Variants in NEK6 observed in about 807,000 individuals in gnomAD.
The protein encoded by NEK6 is NIMA related kinase 6, also known as serine/threonine-protein kinase Nek6.
Under a neutral mutation model 43.5 loss-of-function variants are expected in NEK6, and 27 were observed. That is an observed-to-expected ratio of 0.62 (90% CI 0.46 to 0.86). NEK6 has a LOEUF of 0.86. Ranked by LOEUF, NEK6 falls within the 40% of genes least tolerant of loss-of-function variation. NEK6 has a pLI of 0.00. For synonymous variants in NEK6, 167 were observed against 164.1 expected (o/e 1.02, Z -0.14); for missense variants, 318 against 414.4 (o/e 0.77, Z 2.02).
chr9:124,317,213 G>A (rs1007769046), intron 4 of NEK6, among the ~76,000 whole-genome samples: 32 of 152,282 alleles, frequency 2.1e-4, no homozygotes, highest in African/African-American at 7.7e-4. Context: ...CGCGCAGGAC[G>A]TCCTTTTCAA....
Position 124,326,200 on chromosome 9 carries a change from A to T in NEK6, c.406-130A>T. 4.1e-6 allele frequency: 1 copy of T among 240,986 alleles called. No individual in the cohort carries two copies. Among genetic ancestry groups the T allele is most frequent in the Non-Finnish European group, 9.2e-6 (1 of 108,314 alleles). The allele number at this position is 240,986 out of a possible 1,614,324, so 14.9% of individuals were successfully genotyped here. ...GGGCTTATTGTTTGCTCAGTGGCTC[A>T]ATCCCCCCCCCCCGCCCCTGCCAGG... is the stretch of plus-strand genomic sequence containing the variant. On this transcript the variant is annotated intron_variant, in intron 5 of 9. Transcript: ENST00000320246. The surrounding 1 kb of genome is among the most constrained non-coding windows in gnomAD (Gnocchi z 4.5).
rs182987834 is a variant in NEK6 at position 124,312,179 on chromosome 9, C to T, written c.91-330C>T. ...ATTCAGGAGAGGATGAGACGGGCAA[C>T]GCCCGTGGTCCCACGGAGCTAGCCC... On this transcript the variant is annotated intron_variant, in intron 2 of 9. Transcript: ENST00000320246. 3.0e-3 allele frequency among the ~76,000 whole-genome samples: 453 copies of T among 152,356 alleles called. 2 individuals are homozygous for T. Among genetic ancestry groups the T allele is most frequent in the Middle Eastern group, 0.01 (3 of 294 alleles).
chr9:124,325,851 C>T (rs117168010), intron 5 of NEK6, among the ~76,000 whole-genome samples: 4,474 of 152,282 alleles, frequency 0.029, 109 homozygotes, highest in Middle Eastern at 0.051. Context: ...CTGCTGGTTC[C>T]GAGGAGATGG....
chr9:124,309,678 T>C (rs575739958), intron 2 of NEK6, among the ~76,000 whole-genome samples: 3 of 152,226 alleles, frequency 2.0e-5, no homozygotes, highest in African/African-American at 4.8e-5. Flanking sequence ...AACTAGCACA[T>C]AGTAGGCGTC....
chr9:124,334,100 G>A (rs896182144), intron 7 of NEK6, among the ~76,000 whole-genome samples: 5 of 152,196 alleles, frequency 3.3e-5, no homozygotes, highest in Non-Finnish European at 5.9e-5. Flanking sequence ...GATAGACATG[G>A]TCTACTGGCT....
chr9:124,261,779 T>C (rs988226582), intron 1 of NEK6, among the ~76,000 whole-genome samples: 2 of 152,212 alleles, frequency 1.3e-5, no homozygotes, highest in African/African-American at 4.8e-5. Context: ...CTCCCTTCCA[T>C]GTATGTTCTG....
In NEK6 at chr9:124,321,464, G is replaced by A; in HGVS notation, c.300G>A (p.Leu100=). The A allele has an allele frequency of 1.2e-6, 2 of 1,611,054 alleles. No individual in the cohort carries two copies. The highest frequency in any genetic ancestry group is 1.7e-6 in the Non-Finnish European group (2 of 1,177,462). ...CVKEIGLLKQ[L]NHPNIIKYLD... ...CTCTTTCCCTCCTCATGCAGCAACT[G>A]AACCACCCAAATATCATCAAGTATT... The change falls in exon 5 of 10, where the codon CTG becomes CTA. Residue 100 remains leucine, a synonymous_variant. Coordinates refer to ENST00000320246, the MANE Select transcript of NEK6 (RefSeq NM_014397.6).
intron 9 of NEK6, among the ~76,000 whole-genome samples, chr9:124,348,878 C>CGTCT (rs1564667748): frequency 1.3e-5 from 2 of 152,382 alleles, no homozygotes; most frequent in South Asian, 4.1e-4. Context: ...AAGGAACAGA[C>CGTCT]AGACACAGGC....
At chr9:124,340,428 C>T (rs1214682383) in intron 8 of NEK6, among the ~76,000 whole-genome samples, 2 of 152,184 alleles carry the variant, frequency 1.3e-5, no homozygotes, top group Non-Finnish European at 2.9e-5. Flanking sequence ...CACAAGCTCC[C>T]CACTGTCCCT....
At chr9:124,316,070 C>G (rs144130761) in intron 4 of NEK6, among the ~76,000 whole-genome samples, 3 of 152,366 alleles carry the variant, frequency 2.0e-5, no homozygotes, top group African/African-American at 7.2e-5. Context: ...TTCCCGAACA[C>G]GGGTCCCACT....
In NEK6 at chr9:124,331,275, A is replaced by AAAAAAAAAAC. The variant is rs540083053; in HGVS notation, c.622+3833_622+3834insAAAAAACAAA. 1.2e-4 allele frequency among the ~76,000 whole-genome samples: 18 copies of AAAAAAAAAAC among 145,720 alleles called. 1 individual carries two copies. Among genetic ancestry groups the AAAAAAAAAAC allele is most frequent in the East Asian group, 4.5e-4 (2 of 4,420 alleles). Reference sequence around the variant, plus strand: ...ACTCTGTCTCAAAAAAAAAAAAAACAAAACATTTTGCTCATTTTGCTTTTT... The same window carrying AAAAAAAAAAC: ...ACTCTGTCTCAAAAAAAAAAAAAACAAAAAAAAAACAAACATTTTGCTCATTTTGCTTTTT... On this transcript the variant is annotated intron_variant, in intron 7 of 9. Transcript: ENST00000320246.
At chr9:124,306,383 GTTA>G (rs1833255839) in intron 2 of NEK6, among the ~76,000 whole-genome samples, 1 of 152,150 alleles carries the variant, frequency 6.6e-6, no homozygotes, top group Non-Finnish European at 1.5e-5. Context: ...TTTGGGTTTT[GTTA>G]TTAGGAGTCT....
chr9:124,323,632 G>A (rs973640930), intron 5 of NEK6, among the ~76,000 whole-genome samples: 14 of 152,244 alleles, frequency 9.2e-5, no homozygotes, highest in African/African-American at 2.9e-4. Context: ...ACGGAGTGGG[G>A]CTGCCGTCAG....
chr9:124,316,999 G>C (rs1833847537), intron 4 of NEK6, among the ~76,000 whole-genome samples: 1 of 152,218 alleles, frequency 6.6e-6, no homozygotes, highest in Non-Finnish European at 1.5e-5. Flanking sequence ...GTGACATAAT[G>C]AGGTGAAGTT....
At chr9:124,290,293 C>T (rs1228243235) in intron 1 of NEK6, among the ~76,000 whole-genome samples, 1 of 152,220 alleles carries the variant, frequency 6.6e-6, no homozygotes, top group Non-Finnish European at 1.5e-5. Flanking sequence ...GATCTGTGGC[C>T]ACCTCCTCAA....
intron 2 of NEK6, among the ~76,000 whole-genome samples, chr9:124,311,934 G>A (rs756844860): frequency 2.6e-5 from 4 of 152,170 alleles, no homozygotes; most frequent in African/African-American, 7.2e-5. Context: ...TCGAACTCCC[G>A]CCTCAGCTCC....
At chr9:124,319,109 C>T (rs558576573) in intron 4 of NEK6, among the ~76,000 whole-genome samples, 4 of 152,266 alleles carry the variant, frequency 2.6e-5, no homozygotes, top group South Asian at 2.1e-4. Flanking sequence ...CCCAACCTCT[C>T]GAGTAGCTGT....
intron 1 of NEK6, among the ~76,000 whole-genome samples, chr9:124,276,995 T>C (rs905512350): frequency 2.0e-5 from 3 of 151,404 alleles, no homozygotes; most frequent in African/African-American, 7.3e-5. Flanking sequence ...GAAGGGGAGA[T>C]GGGGTCTTAG....
At chr9:124,258,130 C>A in intron 1 of NEK6, 45 bp downstream of exon 1, 1 of 978,636 alleles carries the variant, frequency 1.0e-6, no homozygotes, top group Non-Finnish European at 1.2e-6. Context: ...GCCCCGCGGC[C>A]CGGAGAAGGG....
Sources: gnomAD v4.1 joint callset for allele counts (sites outside exome capture counted in the v4.1 genomes callset) on GRCh38, gnomAD v4.1.1 for gene constraint, Gnocchi (gnomAD v3.1) non-coding constraint, MANE v1.5 for transcripts, NCBI Gene and HGNC (gene_info 2026-07-23, HGNC 2026-07-21) for gene names.